The following AJAP1 variants were observed in gnomAD, a reference collection of about 807,000 sequenced individuals.
The protein encoded by AJAP1 is adherens junctions associated protein 1.
In AJAP1, 5 loss-of-function variants were observed where a neutral mutation model predicts 35.0. That is an observed-to-expected ratio of 0.14 (90% CI 0.07 to 0.30). AJAP1 has a LOEUF of 0.30. Among genes scored for constraint, AJAP1 ranks in the 10% least tolerant of loss-of-function variants. The pLI, the probability that AJAP1 is intolerant of heterozygous loss-of-function variation, is 1.00. For synonymous variants in AJAP1, 284 were observed against 249.3 expected (o/e 1.14, Z -1.31); for missense variants, 586 against 571.0 (o/e 1.03, Z -0.27).
intron 2 of AJAP1, among the ~76,000 whole-genome samples, chr1:4,749,920 A>G (rs1641284347): frequency 6.6e-6 from 1 of 151,860 alleles, no homozygotes; most frequent in African/African-American, 2.4e-5. Context: ...GTGCTCATAT[A>G]TGCTAGTGTT....
At position 4,693,280 on chromosome 1, in the gene AJAP1, GGTCAGGGGAC is replaced by G. The variant is rs1639785038; in HGVS notation, c.30-18611_30-18602del. 1.3e-5 allele frequency among the ~76,000 whole-genome samples: 2 copies of G among 151,462 alleles called. No individual in the cohort carries two copies. The highest frequency in any genetic ancestry group is 3.0e-5 in the Non-Finnish European group (2 of 67,640). On this transcript the variant is annotated intron_variant, in intron 1 of 5. Coordinates refer to ENST00000378191, the MANE Select transcript of AJAP1 (RefSeq NM_018836.4). This position sits in a 1 kb window ranked among gnomAD's most constrained non-coding sequence, Gnocchi z 4.4. ...TCAACTGAGGGGAGAAGCAGCCCGT[GGTCAGGGGAC>G]GTCAGGGGCATGTGCTGATGGAGAG...
chr1:4,768,953 C>T (rs759179929), intron 2 of AJAP1, among the ~76,000 whole-genome samples: 11 of 152,150 alleles, frequency 7.2e-5, no homozygotes, highest in Admixed American at 3.3e-4. Context: ...CTGTGGTTAG[C>T]GGCAAATGTT....
In AJAP1 at chr1:4,786,943, C is replaced by G. The variant is rs1391706531; in HGVS notation, c.*4458C>G. 6.6e-6 allele frequency: 1 copy of G among 152,296 alleles called. No individual in the cohort carries two copies. Among genetic ancestry groups the G allele is most frequent in the African/African-American group, 2.4e-5 (1 of 41,462 alleles). 9.4% of individuals were successfully genotyped at this position (152,296 alleles called of 1,614,324 possible). ...GTGCTCCACCAGACTGTCTTCTCCC[C>G]TACCCCTGCCCCTTCCACAAAGCCA... On this transcript the variant is annotated 3_prime_UTR_variant, in exon 6 of 6. Transcript: ENST00000378191.
intron 2 of AJAP1, among the ~76,000 whole-genome samples, chr1:4,747,341 C>T (rs1235167982): frequency 2.6e-5 from 4 of 152,218 alleles, no homozygotes; most frequent in African/African-American, 9.6e-5. Flanking sequence ...CCCTCTCCAC[C>T]TCACCCGGCC....
chr1:4,706,869 A>G (rs1372584995), intron 1 of AJAP1, among the ~76,000 whole-genome samples: 1 of 152,238 alleles, frequency 6.6e-6, no homozygotes, highest in South Asian at 2.1e-4. Context: ...AAGGAAGAGA[A>G]GCAAGAAAGC....
chr1:4,735,251 T>A (rs1237712330), intron 2 of AJAP1, among the ~76,000 whole-genome samples: 1 of 152,218 alleles, frequency 6.6e-6, no homozygotes. Flanking sequence ...CTTCAAAAGC[T>A]GGTCACAGCA....
intron 5 of AJAP1, among the ~76,000 whole-genome samples, chr1:4,781,860 C>T (rs975876828): frequency 2.6e-5 from 4 of 152,290 alleles, no homozygotes; most frequent in Admixed American, 2.0e-4. Flanking sequence ...TTCCGAGGCT[C>T]GGGCTGGCTG....
chr1:4,732,739 A>G (rs1340656221), intron 2 of AJAP1, among the ~76,000 whole-genome samples: 1 of 152,234 alleles, frequency 6.6e-6, no homozygotes, highest in African/African-American at 2.4e-5. Context: ...CAGAGTCCAG[A>G]GCCTCAGTGG....
chr1:4,731,304 C>T (rs1640791108), intron 2 of AJAP1, among the ~76,000 whole-genome samples: 1 of 152,206 alleles, frequency 6.6e-6, no homozygotes, highest in Non-Finnish European at 1.5e-5. Flanking sequence ...TGGTCTCGAA[C>T]TCTTGAACTC....
chr1:4,686,385 G>A (rs1221067967), intron 1 of AJAP1, among the ~76,000 whole-genome samples: 1 of 152,222 alleles, frequency 6.6e-6, no homozygotes, highest in African/African-American at 2.4e-5. Flanking sequence ...CCGCACTGCA[G>A]CTGGGTTGCA....
intron 2 of AJAP1, among the ~76,000 whole-genome samples, chr1:4,760,303 G>A (rs1021116154): frequency 2.6e-5 from 4 of 151,796 alleles, no homozygotes; most frequent in Non-Finnish European, 5.9e-5. Context: ...GTGCGGGCAT[G>A]AGTGTGTATA....
chr1:4,655,580 T>C lies in AJAP1; in HGVS notation c.29+126T>C. ...CGCTTCCCGCAAGCGGGCAACGGGGTGCACCGGTAGCCGGAAAGGGGCGCC... is the reference window on the plus strand; with the variant it reads ...CGCTTCCCGCAAGCGGGCAACGGGGCGCACCGGTAGCCGGAAAGGGGCGCC... On this transcript the variant is annotated intron_variant, in intron 1 of 5. Transcript: ENST00000378191. The surrounding 1 kb of genome is among the most constrained non-coding windows in gnomAD (Gnocchi z 6.9). 1 of 1,236,208 alleles carries C rather than the reference T, an allele frequency of 8.1e-7. No homozygotes were observed. Among genetic ancestry groups the C allele is most frequent in the Non-Finnish European group, 1.1e-6 (1 of 916,046 alleles). The allele number at this position is 1,236,208 out of a possible 1,614,324, so 76.6% of individuals were successfully genotyped here.
Position 4,709,418 on chromosome 1 carries a change from CCTGGTGAGGT to C in AJAP1, c.30-2472_30-2463del, listed in dbSNP as rs1306705012. Among the ~76,000 whole-genome samples the C allele has an allele frequency of 2.6e-5, 4 of 151,478 alleles. No individual in the cohort carries two copies. The East Asian group carries it at 7.9e-4, about 30-fold the overall frequency. On this transcript the variant is annotated intron_variant, in intron 1 of 5. Transcript: ENST00000378191. The stretch of plus-strand genomic sequence containing the variant: ...TGGAGTGTGGTGGGGCCTGGTGAGG[CCTGGTGAGGT>C]CTGGTGAGGCCTGGAAGACCATGGC...
rs573943358 is a variant in AJAP1 at position 4,767,639 on chromosome 1, A to G, written c.830-2214A>G. Among the ~76,000 whole-genome samples, 9 of 151,348 alleles carry G rather than the reference A, an allele frequency of 5.9e-5. No homozygotes were observed. In the South Asian group the frequency reaches 1.9e-3, roughly 32 times the overall value. On this transcript the variant is annotated intron_variant, in intron 2 of 5. Transcript: ENST00000378191. ...TCTTTATCATTACCATCATCACCAC[A>G]TCACCATCACCACCATCATCATCAC...
intron 1 of AJAP1, among the ~76,000 whole-genome samples, chr1:4,658,641 G>C (rs958394263): frequency 6.6e-6 from 1 of 152,226 alleles, no homozygotes; most frequent in Non-Finnish European, 1.5e-5. Flanking sequence ...TCAAATCTTT[G>C]GGCAACATCG....
intron 1 of AJAP1, among the ~76,000 whole-genome samples, chr1:4,673,873 G>T (rs58313685): frequency 0.013 from 2,044 of 151,900 alleles, 54 homozygotes; most frequent in African/African-American, 0.047. Context: ...AGCCAGGAGC[G>T]AGAAGTCAGG....
chr1:4,788,036 C>A lies in AJAP1; in HGVS notation c.*5551C>A. On this transcript the variant is annotated 3_prime_UTR_variant, in exon 6 of 6. Transcript: ENST00000378191. Reference sequence around the variant, plus strand: ...TGTTTTCTAGTGTAAATAGCACAGCCCACATAAATGAGCGAAACTCATCAT... The same window carrying A: ...TGTTTTCTAGTGTAAATAGCACAGCACACATAAATGAGCGAAACTCATCAT... The A allele has an allele frequency of 3.7e-6, 1 of 272,472 alleles. No individual in the cohort carries two copies. The highest frequency in any genetic ancestry group is 7.3e-6 in the Non-Finnish European group (1 of 136,416). 16.9% of individuals were successfully genotyped at this position (272,472 alleles called of 1,614,324 possible). A position where few individuals can be genotyped will look rare whatever the true frequency, so the allele number is the denominator to read the frequency against.
At chr1:4,677,762 C>T (rs1258088479) in intron 1 of AJAP1, among the ~76,000 whole-genome samples, 1 of 151,370 alleles carries the variant, frequency 6.6e-6, no homozygotes, top group Non-Finnish European at 1.5e-5. Context: ...AAATCATGTG[C>T]CTATGTGTTG....
chr1:4,771,659 G>A lies in AJAP1; in HGVS notation c.918-621G>A, dbSNP rs958892027. Among the ~76,000 whole-genome samples, 6 of 152,176 alleles carry A rather than the reference G, an allele frequency of 3.9e-5. No homozygotes were observed. The East Asian group carries it at 1.2e-3, about 29-fold the overall frequency. On this transcript the variant is annotated intron_variant, in intron 3 of 5. Coordinates refer to ENST00000378191, the MANE Select transcript of AJAP1 (RefSeq NM_018836.4). ...ATAAGTGGCCTCTGGAAACCCCTGT[G>A]GTTCAGAGGAACTAGACCATAACAG...
Sources: allele counts gnomAD v4.1 joint callset (sites outside exome capture counted in the v4.1 genomes callset), GRCh38; gene constraint gnomAD v4.1.1; non-coding constraint Gnocchi (gnomAD v3.1); transcripts MANE v1.5; gene names NCBI Gene and HGNC (gene_info 2026-07-23, HGNC 2026-07-21).